Variants in STPG2 observed in about 807,000 individuals in gnomAD.
STPG2 encodes the protein sperm tail PG-rich repeat containing 2, also known as sperm-tail PG-rich repeat-containing protein 2.
STPG2 carries 56 observed loss-of-function variants against 54.2 expected under a neutral mutation model. The ratio of observed to expected loss-of-function variants is 1.03; its 90% confidence interval spans 0.83 to 1.29. STPG2 has a LOEUF of 1.29. Ranked by LOEUF, STPG2 falls within the 50% of genes most tolerant of loss-of-function variation. The pLI is 0.00. For missense variants in STPG2, 596 were observed against 544.9 expected, an observed-to-expected ratio of 1.09 and a Z score of -0.93; for synonymous variants, 200 against 181.8, an observed-to-expected ratio of 1.10 and a Z score of -0.81.
intron 10 of STPG2, among the ~76,000 whole-genome samples, chr4:97,692,235 C>G (rs1406870656): frequency 7.4e-6 from 1 of 135,268 alleles, no homozygotes; most frequent in South Asian, 2.4e-4. Flanking sequence ...TTAAGCTAAT[C>G]AAGAAGGCAT....
At position 97,711,648 on chromosome 4, in the gene STPG2, C is replaced by T. The variant is rs556524127; in HGVS notation, c.1320+1051G>A. 4.7e-5 allele frequency among the ~76,000 whole-genome samples: 7 copies of T among 150,178 alleles called. No homozygotes were observed. The South Asian group carries it at 1.5e-3, about 32-fold the overall frequency. ...ATGCTGAAAAGTATTTAGATTGTGA[C>T]ATTTTATTTTTATTTACTTACTTTT... On this transcript the variant is annotated intron_variant, in intron 10 of 10. Transcript: ENST00000295268.
At chr4:97,990,743 G>GCATC (rs1734976082) in intron 5 of STPG2, among the ~76,000 whole-genome samples, 1 of 152,042 alleles carries the variant, frequency 6.6e-6, no homozygotes, top group African/African-American at 2.4e-5. Flanking sequence ...ATTGAAACAG[G>GCATC]TTATTTATGG....
chr4:97,800,909 C>A (rs1727373269), intron 9 of STPG2, among the ~76,000 whole-genome samples: 1 of 152,172 alleles, frequency 6.6e-6, no homozygotes, highest in African/African-American at 2.4e-5. Context: ...GCCTCGCTGC[C>A]ACCTTGCAGT....
chr4:97,736,885 T>G (rs1725018376), intron 9 of STPG2, among the ~76,000 whole-genome samples: 1 of 152,180 alleles, frequency 6.6e-6, no homozygotes, highest in Non-Finnish European at 1.5e-5. Flanking sequence ...GATGGAGATC[T>G]GAGAATGGGC....
At chr4:97,771,512 C>T (rs996582423) in intron 9 of STPG2, among the ~76,000 whole-genome samples, 1 of 152,066 alleles carries the variant, frequency 6.6e-6, no homozygotes, top group Admixed American at 6.5e-5. Context: ...CAGGAAGCAT[C>T]CTTTTGGAGT....
chr4:97,692,212 A>G (rs1723389469), intron 10 of STPG2, among the ~76,000 whole-genome samples: 1 of 151,860 alleles, frequency 6.6e-6, no homozygotes, highest in South Asian at 2.1e-4. Context: ...AAAAGAATTC[A>G]GAAAGTTGAC....
At chr4:97,944,071 A>T in intron 7 of STPG2, 64 bp from the exon 8 acceptor site, 1 of 1,036,888 alleles carries the variant, frequency 9.6e-7, no homozygotes. Context: ...AGGCACTATA[A>T]ATAATAAGTT....
chr4:97,536,645 G>C (rs1007817223), intron 4 of STPG2, among the ~76,000 whole-genome samples: 2 of 152,150 alleles, frequency 1.3e-5, no homozygotes, highest in Admixed American at 6.5e-5. Flanking sequence ...TGACGTAAAG[G>C]CTTCAGAGAC....
chr4:97,523,620 T>C (rs1039515834), intron 4 of STPG2, among the ~76,000 whole-genome samples: 2 of 151,962 alleles, frequency 1.3e-5, no homozygotes, highest in Non-Finnish European at 2.9e-5. Context: ...TGGTTTTCTA[T>C]GCAACTACTT....
chr4:98,020,699 T>C (rs911688928), intron 5 of STPG2, among the ~76,000 whole-genome samples: 1 of 152,222 alleles, frequency 6.6e-6, no homozygotes, highest in Non-Finnish European at 1.5e-5. Flanking sequence ...TTTCAGATCC[T>C]GTTATTGGTC....
chr4:97,862,240 G>A (rs1229203859), intron 8 of STPG2, among the ~76,000 whole-genome samples: 1 of 151,260 alleles, frequency 6.6e-6, no homozygotes, highest in South Asian at 2.1e-4. Context: ...AAAATAAAGG[G>A]ATGGAGGAAG....
chr4:97,687,992 G>A (rs948579366), intron 10 of STPG2, among the ~76,000 whole-genome samples: 1 of 151,858 alleles, frequency 6.6e-6, no homozygotes, highest in Non-Finnish European at 1.5e-5. Context: ...GTATATAACC[G>A]AGAAGTTGTT....
At chr4:97,567,408 A>T (rs1732481448) in intron 10 of STPG2, among the ~76,000 whole-genome samples, 1 of 149,708 alleles carries the variant, frequency 6.7e-6, no homozygotes, top group Admixed American at 6.7e-5. Context: ...GGAATTTAGC[A>T]ATATCTAACA....
intron 9 of STPG2, among the ~76,000 whole-genome samples, chr4:97,727,172 A>G (rs925499585): frequency 7.2e-5 from 11 of 151,884 alleles, no homozygotes; most frequent in African/African-American, 1.7e-4. Flanking sequence ...TTGAAAATGT[A>G]GAATTATGTA....
chr4:97,636,269 A>T (rs1721523606), intron 10 of STPG2, among the ~76,000 whole-genome samples: 1 of 147,140 alleles, frequency 6.8e-6, no homozygotes, highest in Admixed American at 7.0e-5. Context: ...TGAAGGCAGA[A>T]ATAAAGATGT....
At chr4:98,015,853 T>C (rs9992257) in intron 5 of STPG2, among the ~76,000 whole-genome samples, 2 of 151,784 alleles carry the variant, frequency 1.3e-5, no homozygotes, top group Non-Finnish European at 2.9e-5. Flanking sequence ...GTGGCACATA[T>C]ACACCATGGA....
At chr4:97,548,829 A>C (rs1450942126) in intron 4 of STPG2, among the ~76,000 whole-genome samples, 1 of 152,160 alleles carries the variant, frequency 6.6e-6, no homozygotes, top group African/African-American at 2.4e-5. Context: ...AAAATTTCAT[A>C]TTTTTATTTA....
chr4:97,681,015 G>A (rs1319648001), intron 10 of STPG2, among the ~76,000 whole-genome samples: 1 of 151,804 alleles, frequency 6.6e-6, no homozygotes, highest in East Asian at 1.9e-4. Flanking sequence ...TATGTTATTT[G>A]TGATTTTATT....
At chr4:98,084,571 A>G (rs1343915070) in intron 5 of STPG2, among the ~76,000 whole-genome samples, 1 of 152,186 alleles carries the variant, frequency 6.6e-6, no homozygotes, top group Non-Finnish European at 1.5e-5. Context: ...TTACATTCCC[A>G]TAAGGGATGT....
Sources: allele counts gnomAD v4.1 joint callset (sites outside exome capture counted in the v4.1 genomes callset), GRCh38; gene constraint gnomAD v4.1.1; transcripts MANE v1.5; gene names NCBI Gene and HGNC (gene_info 2026-07-23, HGNC 2026-07-21).